Variants in CRTC3 observed in about 807,000 individuals in gnomAD.
The protein encoded by CRTC3 is CREB regulated transcription coactivator 3, also known as CREB-regulated transcription coactivator 3.
CRTC3 carries 26 observed loss-of-function variants against 74.5 expected under a neutral mutation model. That is an observed-to-expected ratio of 0.35 (90% CI 0.26 to 0.48). The LOEUF is 0.48. CRTC3 is among the 20% of genes least tolerant of loss of function. The probability of loss-of-function intolerance (pLI) is 0.99; values close to 1 mark genes in which losing one functional copy is unlikely to be tolerated. For synonymous variants in CRTC3, 377 were observed against 325.8 expected (o/e 1.16, Z -1.69); for missense variants, 760 against 787.3 (o/e 0.97, Z 0.41).
At chr15:90,617,464 A>T (rs1405965881) in intron 7 of CRTC3, among the ~76,000 whole-genome samples, 2 of 152,234 alleles carry the variant, frequency 1.3e-5, no homozygotes, top group Non-Finnish European at 2.9e-5. Context: ...TTATTTGTTA[A>T]ATCAGTTTTT....
chr15:90,601,773 T>C (rs1968076985), intron 3 of CRTC3, among the ~76,000 whole-genome samples: 1 of 152,244 alleles, frequency 6.6e-6, no homozygotes, highest in South Asian at 2.1e-4. Flanking sequence ...CATTGAGACC[T>C]ACCTCTGTGG....
intron 8 of CRTC3, 135 bp from the exon 9 acceptor site, chr15:90,619,606 C>T: frequency 2.8e-6 from 2 of 710,590 alleles, no homozygotes; most frequent in Non-Finnish European, 2.5e-6. Flanking sequence ...TAAAAGGCTG[C>T]TGTGTGAGGA....
chr15:90,597,388 G>A (rs1967954257), intron 3 of CRTC3, among the ~76,000 whole-genome samples: 3 of 152,226 alleles, frequency 2.0e-5, no homozygotes, highest in Admixed American at 2.0e-4. Context: ...TGCCTTCCTT[G>A]AAAGGAAGTC....
At position 90,642,251 on chromosome 15, in the gene CRTC3, C is replaced by A; in HGVS notation, c.*111C>A. The A allele has an allele frequency of 1.2e-6, 1 of 838,330 alleles. No homozygotes were observed. The highest frequency in any genetic ancestry group is 2.2e-5 in the Admixed American group (1 of 45,866). The allele number at this position is 838,330 out of a possible 1,614,324, so 51.9% of individuals were successfully genotyped here. ...TTCGTTATCTTGACATAGAAGGAAG[C>A]AATGCCACGGCTCCAGGGTTTCAGA... On this transcript the variant is annotated 3_prime_UTR_variant, in exon 15 of 15. Coordinates refer to ENST00000268184, the MANE Select transcript of CRTC3 (RefSeq NM_022769.5).
At chr15:90,603,430 G>A (rs571870927) in intron 4 of CRTC3, among the ~76,000 whole-genome samples, 13 of 151,958 alleles carry the variant, frequency 8.6e-5, no homozygotes, top group East Asian at 1.9e-4. Context: ...GTGACAGAGC[G>A]AGACTCCATC....
At chr15:90,631,674 A>T (rs1015409510) in intron 11 of CRTC3, among the ~76,000 whole-genome samples, 4 of 150,692 alleles carry the variant, frequency 2.7e-5, no homozygotes, top group Non-Finnish European at 4.4e-5. Flanking sequence ...GTTTGCAGTG[A>T]GCCAGGATTG....
At chr15:90,629,141 T>G in intron 10 of CRTC3, 93 bp from the exon 11 acceptor site, 1 of 1,202,714 alleles carries the variant, frequency 8.3e-7, no homozygotes, top group Non-Finnish European at 1.2e-6. Context: ...AGAATCATCA[T>G]CGCATGTGAC....
At position 90,569,551 on chromosome 15, in the gene CRTC3, C is replaced by T. The variant is rs1429400242; in HGVS notation, c.232-24085C>T. 2.2e-4 allele frequency among the ~76,000 whole-genome samples: 4 copies of T among 17,792 alleles called. 2 individuals are homozygous for T. The highest frequency in any genetic ancestry group is 5.6e-4 in the Non-Finnish European group (2 of 3,572). The allele number at this position is 17,792 out of a possible 152,430, so 11.7% of individuals were successfully genotyped here. ...CCAGGCTGGTCTCAAACTCCTGAGA[C>T]ATATACCTGTTGTAAATTGGTATAC... On this transcript the variant is annotated intron_variant, in intron 2 of 14. Transcript: ENST00000268184.
chr15:90,601,000 CAA>C (rs947585047), intron 3 of CRTC3, among the ~76,000 whole-genome samples: 1 of 152,152 alleles, frequency 6.6e-6, no homozygotes, highest in Non-Finnish European at 1.5e-5. Context: ...GGAGGGAAGA[CAA>C]GAGCAGAAGA....
intron 5 of CRTC3, 58 bp from the exon 6 acceptor site, chr15:90,607,320 A>G (rs979088192): frequency 7.2e-6 from 7 of 965,578 alleles, no homozygotes; most frequent in South Asian, 2.8e-5. Context: ...AACAAAGACT[A>G]TTGCATTTTC....
chr15:90,566,131 T>C (rs1367381978), intron 2 of CRTC3, among the ~76,000 whole-genome samples: 1 of 152,204 alleles, frequency 6.6e-6, no homozygotes. Flanking sequence ...CCACATTCCC[T>C]TAAGCCAAAG....
At chr15:90,641,670 C>G (rs576721710) in intron 14 of CRTC3, among the ~76,000 whole-genome samples, 10 of 148,866 alleles carry the variant, frequency 6.7e-5, no homozygotes, top group Non-Finnish European at 1.3e-4. Context: ...GTACTCCAGC[C>G]TGGGCAACAG....
intron 13 of CRTC3, among the ~76,000 whole-genome samples, chr15:90,640,393 A>T (rs1446081556): frequency 1.3e-5 from 2 of 152,098 alleles, no homozygotes; most frequent in African/African-American, 4.8e-5. Context: ...TTTTCTAGAA[A>T]CCAGGGAAGA....
chr15:90,625,529 T>C (rs1968802471), intron 9 of CRTC3, among the ~76,000 whole-genome samples: 1 of 152,216 alleles, frequency 6.6e-6, no homozygotes, highest in South Asian at 2.1e-4. Context: ...CATAATCTAA[T>C]CTGGTCTTGA....
At position 90,583,516 on chromosome 15, in the gene CRTC3, A is replaced by G. The variant is rs116782634; in HGVS notation, c.232-10120A>G. ...CCCAGATCAGCTGGTCAAAAAAGGCATAGCCTCCAGGTTAAAAACAAACAA... is the reference window on the plus strand; with the variant it reads ...CCCAGATCAGCTGGTCAAAAAAGGCGTAGCCTCCAGGTTAAAAACAAACAA... On this transcript the variant is annotated intron_variant, in intron 2 of 14. Transcript: ENST00000268184. Among the ~76,000 whole-genome samples the G allele has an allele frequency of 1.1e-4, 16 of 152,320 alleles. No individual in the cohort carries two copies. The East Asian group carries it at 1.7e-3, about 17-fold the overall frequency.
intron 6 of CRTC3, among the ~76,000 whole-genome samples, chr15:90,608,257 C>G (rs1968276598): frequency 6.6e-6 from 1 of 152,170 alleles, no homozygotes; most frequent in Non-Finnish European, 1.5e-5. Context: ...ATCTTGCTCT[C>G]CCACTTAAAA....
chr15:90,582,738 T>C (rs952984754), intron 2 of CRTC3, among the ~76,000 whole-genome samples: 6 of 152,204 alleles, frequency 3.9e-5, no homozygotes, highest in African/African-American at 1.4e-4. Flanking sequence ...CATTCCTCTT[T>C]GGAGCCAAAT....
At chr15:90,590,292 C>G (rs1967770092) in intron 2 of CRTC3, among the ~76,000 whole-genome samples, 1 of 151,498 alleles carries the variant, frequency 6.6e-6, no homozygotes, top group Admixed American at 6.6e-5. Flanking sequence ...AACTCCGTCT[C>G]AAAAAAATAA....
chr15:90,581,411 T>C (rs1967538380), intron 2 of CRTC3, among the ~76,000 whole-genome samples: 1 of 152,256 alleles, frequency 6.6e-6, no homozygotes, highest in Admixed American at 6.5e-5. Flanking sequence ...TTTTCTCTTA[T>C]ACTTTCCTAG....
Sources: allele counts gnomAD v4.1 joint callset (sites outside exome capture counted in the v4.1 genomes callset), GRCh38; gene constraint gnomAD v4.1.1; transcripts MANE v1.5; gene names NCBI Gene and HGNC (gene_info 2026-07-23, HGNC 2026-07-21).